The following TNR variants were observed in gnomAD, a reference collection of about 807,000 sequenced individuals.
TNR encodes tenascin R.
Under a neutral mutation model 150.4 loss-of-function variants are expected in TNR, and 45 were observed. The observed-to-expected ratio is 0.30, with a 90% CI of 0.24 to 0.38. The LOEUF (loss-of-function observed/expected upper bound fraction) is 0.38, where lower values mean the gene tolerates loss of function less well. TNR is among the 10% of genes least tolerant of loss of function. The pLI is 1.00. For missense variants in TNR, 1,544 were observed against 1,759.1 expected (o/e 0.88, Z 2.19); for synonymous variants, 687 against 678.4 (o/e 1.01, Z -0.20).
chr1:175,345,135 C>T (rs1435615176), intron 18 of TNR, among the ~76,000 whole-genome samples: 1 of 151,856 alleles, frequency 6.6e-6, no homozygotes, highest in East Asian at 1.9e-4. Flanking sequence ...AACAAAACAA[C>T]AACAAAAAAA....
chr1:175,543,493 G>A (rs1660576404), intron 1 of TNR, among the ~76,000 whole-genome samples: 1 of 152,176 alleles, frequency 6.6e-6, no homozygotes, highest in African/African-American at 2.4e-5. Flanking sequence ...AGCAGCCAGA[G>A]AGTAAAACTG....
intron 2 of TNR, among the ~76,000 whole-genome samples, chr1:175,459,947 G>A (rs1220506457): frequency 2.0e-5 from 3 of 152,172 alleles, no homozygotes; most frequent in Non-Finnish European, 4.4e-5. Flanking sequence ...AATGTATATA[G>A]AGTTTGCAGT....
intron 1 of TNR, among the ~76,000 whole-genome samples, chr1:175,632,796 G>A (rs982791125): frequency 1.3e-5 from 2 of 152,102 alleles, no homozygotes; most frequent in African/African-American, 4.8e-5. Context: ...CCATACCGAT[G>A]GTACATGGGA....
At chr1:175,481,437 C>G (rs141241565) in intron 2 of TNR, among the ~76,000 whole-genome samples, 1 of 152,278 alleles carries the variant, frequency 6.6e-6, no homozygotes, top group East Asian at 1.9e-4. Context: ...AGTGTGCTCC[C>G]TTCCATCAGT....
chr1:175,406,892 C>T (rs1013121807), intron 2 of TNR, 115 bp from the exon 3 acceptor site: 95 of 699,600 alleles, frequency 1.4e-4, no homozygotes, highest in Non-Finnish European at 2.0e-4. Context: ...AAGGGGGGGG[C>T]GTCAGGAAGG....
At chr1:175,584,856 T>C (rs1662505135) in intron 1 of TNR, among the ~76,000 whole-genome samples, 1 of 152,222 alleles carries the variant, frequency 6.6e-6, no homozygotes, top group Non-Finnish European at 1.5e-5. Context: ...AGTATAGCTG[T>C]ATATATATTA....
intron 2 of TNR, among the ~76,000 whole-genome samples, chr1:175,422,252 G>C (rs1334269667): frequency 6.6e-6 from 1 of 152,202 alleles, no homozygotes; most frequent in Non-Finnish European, 1.5e-5. Context: ...TATCACAATA[G>C]TTATCTGCAG....
At chr1:175,539,407 A>G (rs1660413243) in intron 1 of TNR, among the ~76,000 whole-genome samples, 1 of 152,248 alleles carries the variant, frequency 6.6e-6, no homozygotes, top group Non-Finnish European at 1.5e-5. Flanking sequence ...GGAGGTGTAA[A>G]CAAACTTCCT....
intron 1 of TNR, among the ~76,000 whole-genome samples, chr1:175,627,175 T>G (rs1450652423): frequency 1.3e-5 from 2 of 152,238 alleles, no homozygotes; most frequent in Non-Finnish European, 2.9e-5. Context: ...TGCTGCCTCT[T>G]GGGCATATAA....
intron 2 of TNR, among the ~76,000 whole-genome samples, chr1:175,488,939 A>G (rs1658127283): frequency 6.6e-6 from 1 of 152,224 alleles, no homozygotes; most frequent in African/African-American, 2.4e-5. Context: ...TCCTGAGGAC[A>G]AAGGCATGTT....
chr1:175,634,701 C>T (rs59266012), intron 1 of TNR, among the ~76,000 whole-genome samples: 2 of 152,262 alleles, frequency 1.3e-5, no homozygotes, highest in East Asian at 3.9e-4. Context: ...CAAGTATGGA[C>T]ACCGAGGCAT....
chr1:175,728,468 G>A (rs949716576), intron 1 of TNR, among the ~76,000 whole-genome samples: 5 of 152,154 alleles, frequency 3.3e-5, no homozygotes, highest in African/African-American at 7.2e-5. Context: ...TACATGTGAC[G>A]AGAGAGATGG....
intron 2 of TNR, among the ~76,000 whole-genome samples, chr1:175,438,164 A>G (rs1655605274): frequency 2.0e-5 from 3 of 152,238 alleles, no homozygotes; most frequent in African/African-American, 7.2e-5. Flanking sequence ...GCATCACATC[A>G]GAAAGCTTAT....
At chr1:175,504,552 T>C (rs1270164953) in intron 2 of TNR, among the ~76,000 whole-genome samples, 1 of 152,198 alleles carries the variant, frequency 6.6e-6, no homozygotes, top group South Asian at 2.1e-4. Flanking sequence ...ACTCTGGCTG[T>C]GGCTGCTGTC....
intron 2 of TNR, among the ~76,000 whole-genome samples, chr1:175,422,399 A>T (rs780840689): frequency 2.0e-5 from 3 of 152,118 alleles, no homozygotes; most frequent in Non-Finnish European, 4.4e-5. Context: ...CACACACGTG[A>T]TGTGGTTCCA....
chr1:175,464,294 GC>G (rs2102108851), intron 2 of TNR, among the ~76,000 whole-genome samples: 1 of 152,280 alleles, frequency 6.6e-6, no homozygotes, highest in South Asian at 2.1e-4. Context: ...TGTCCTAGGA[GC>G]CCCAGGGCTT....
chr1:175,708,338 A>G (rs1271034365), intron 1 of TNR, among the ~76,000 whole-genome samples: 2 of 152,116 alleles, frequency 1.3e-5, no homozygotes, highest in Non-Finnish European at 2.9e-5. Context: ...GAGAATAATG[A>G]TCTGATGCCT....
intron 2 of TNR, among the ~76,000 whole-genome samples, chr1:175,492,585 C>T (rs571488889): frequency 1.3e-5 from 2 of 152,144 alleles, no homozygotes; most frequent in East Asian, 3.9e-4. Flanking sequence ...TGTGTCAAGG[C>T]CTAAGTTGAT....
intron 7 of TNR, among the ~76,000 whole-genome samples, chr1:175,389,928 GC>G (rs1653096681): frequency 6.6e-6 from 1 of 152,182 alleles, no homozygotes. Flanking sequence ...TGGTTTGAAA[GC>G]TTTTTGGGTG....
Sources: allele counts gnomAD v4.1 joint callset (sites outside exome capture counted in the v4.1 genomes callset), GRCh38; gene constraint gnomAD v4.1.1; transcripts MANE v1.5; gene names NCBI Gene and HGNC (gene_info 2026-07-23, HGNC 2026-07-21).